TULP3: variants seen among roughly 807,000 people sequenced by gnomAD.
The protein encoded by TULP3 is tubby-related protein 3.
TULP3 carries 38 observed loss-of-function variants against 50.7 expected under a neutral mutation model. That is an observed-to-expected ratio of 0.75 (90% confidence interval 0.58 to 0.98). The LOEUF is 0.98. Among genes scored for constraint, TULP3 ranks in the 50% least tolerant of loss-of-function variants. The pLI is 0.00. For missense variants in TULP3, 550 were observed against 568.0 expected (o/e 0.97, Z 0.32); for synonymous variants, 183 against 196.6 (o/e 0.93, Z 0.58).
chr12:2,915,010 C>G (rs556617429), intron 2 of TULP3, among the ~76,000 whole-genome samples: 1 of 144,652 alleles, frequency 6.9e-6, no homozygotes, highest in East Asian at 2.2e-4. Context: ...TTTTTTGAGA[C>G]AAGAGTGTAG....
At chr12:2,915,061 T>G (rs1420482378) in intron 2 of TULP3, among the ~76,000 whole-genome samples, 2 of 152,148 alleles carry the variant, frequency 1.3e-5, no homozygotes, top group Non-Finnish European at 2.9e-5. Flanking sequence ...TGATCTTGGC[T>G]CACTGCAACC....
chr12:2,894,534 C>G (rs1014735615), intron 1 of TULP3, among the ~76,000 whole-genome samples: 6 of 61,630 alleles, frequency 9.7e-5, no homozygotes, highest in Non-Finnish European at 2.0e-4. Context: ...GACTCCGTCT[C>G]AAAAACACAC....
At position 2,940,690 on chromosome 12, in the gene TULP3, G is replaced by A. The variant is rs181954310; in HGVS notation, c.*1246G>A. On this transcript the variant is annotated 3_prime_UTR_variant, in exon 11 of 11. Coordinates refer to ENST00000448120, the MANE Select transcript of TULP3 (RefSeq NM_003324.5). ...TTCTGTGGACTGACCTCTCACCTCC[G>A]CCTGTTGTTCCTGCACCACATCAGA... is the stretch of plus-strand genomic sequence containing the variant. 1.2e-5 allele frequency: 18 copies of A among 1,551,472 alleles called. No individual in the cohort carries two copies. The East Asian group carries it at 1.7e-4, about 15-fold the overall frequency.
intron 1 of TULP3, among the ~76,000 whole-genome samples, chr12:2,891,384 G>T (rs1434017091): frequency 3.3e-5 from 5 of 152,190 alleles, no homozygotes; most frequent in African/African-American, 1.2e-4. Context: ...GGGAGGCGGT[G>T]CGGGTGATGT....
chr12:2,933,642 A>T (rs2098199504), intron 7 of TULP3, 112 bp downstream of exon 7: 1 of 576,510 alleles, frequency 1.7e-6, no homozygotes, highest in Admixed American at 3.8e-5. Context: ...TGTAATCTTA[A>T]AAAAAAAGAA....
intron 1 of TULP3, among the ~76,000 whole-genome samples, chr12:2,907,867 G>A (rs913387632): frequency 2.6e-5 from 4 of 152,144 alleles, no homozygotes; most frequent in Non-Finnish European, 5.9e-5. Flanking sequence ...GCCAGAGGCT[G>A]TTGTATCTGA....
Position 2,927,774 on chromosome 12 carries a change from G to A in TULP3, c.395-2474G>A, listed in dbSNP as rs2098195542. Among the ~76,000 whole-genome samples, 3 of 152,196 alleles carry A rather than the reference G, an allele frequency of 2.0e-5. No homozygotes were observed. In the South Asian group the frequency reaches 6.2e-4, roughly 32 times the overall value. Reference sequence around the variant, plus strand: ...TTTTTCTTTCCGAGATGTTGAATGTGCACAAAAAGTGGTTCAGAGAAAAAA... The same window carrying A: ...TTTTTCTTTCCGAGATGTTGAATGTACACAAAAAGTGGTTCAGAGAAAAAA... On this transcript the variant is annotated intron_variant, in intron 4 of 10. Transcript: ENST00000448120.
At chr12:2,906,460 C>G (rs2098182307) in intron 1 of TULP3, among the ~76,000 whole-genome samples, 1 of 151,466 alleles carries the variant, frequency 6.6e-6, no homozygotes. Flanking sequence ...TCCTGAGTAG[C>G]TGGGATTACA....
chr12:2,933,158 G>A lies in TULP3; in HGVS notation c.697-260G>A, dbSNP rs533321128. 3.3e-5 allele frequency among the ~76,000 whole-genome samples: 5 copies of A among 152,150 alleles called. No homozygotes were observed. In the East Asian group the frequency reaches 9.7e-4, roughly 30 times the overall value. On this transcript the variant is annotated intron_variant, in intron 6 of 10. Coordinates refer to ENST00000448120, the MANE Select transcript of TULP3 (RefSeq NM_003324.5). Reference sequence around the variant, plus strand: ...AGGGTTTACGGTGTTAGCCAGGATGGTCTCGATCTCCTGACCTTGTGATCT... The same window carrying A: ...AGGGTTTACGGTGTTAGCCAGGATGATCTCGATCTCCTGACCTTGTGATCT...
chr12:2,940,715 A>G lies in TULP3; in HGVS notation c.*1271A>G, dbSNP rs776318752. On this transcript the variant is annotated 3_prime_UTR_variant, in exon 11 of 11. Transcript: ENST00000448120. ...GCCTGTTGTTCCTGCACCACATCAG[A>G]TAAGCATGTGAAGGAGGGCCAACTG... 3 of 1,550,506 alleles carry G rather than the reference A, an allele frequency of 1.9e-6. No individual in the cohort carries two copies. The South Asian group carries it at 3.6e-5, about 18-fold the overall frequency.
chr12:2,940,193 A>G lies in TULP3; in HGVS notation c.*749A>G. On this transcript the variant is annotated 3_prime_UTR_variant, in exon 11 of 11. Transcript: ENST00000448120. The stretch of plus-strand genomic sequence containing the variant: ...TGATAATTGCCTTCATTTTCAACCC[A>G]GGAGTGCCTCTCACAGCTATATGAC... The G allele has an allele frequency of 1.5e-6, 2 of 1,320,418 alleles. No individual in the cohort carries two copies. The highest frequency in any genetic ancestry group is 2.0e-6 in the Non-Finnish European group (2 of 1,009,998). The allele number at this position is 1,320,418 out of a possible 1,614,324, so 81.8% of individuals were successfully genotyped here.
chr12:2,919,999 GT>G (rs1023457820), intron 2 of TULP3, among the ~76,000 whole-genome samples: 35 of 149,774 alleles, frequency 2.3e-4, no homozygotes, highest in Admixed American at 1.5e-3. Flanking sequence ...GAATAATAAA[GT>G]TTTTTTCTTC....
At chr12:2,909,379 G>A in intron 1 of TULP3, 150 bp from the exon 2 acceptor site, 2 of 650,580 alleles carry the variant, frequency 3.1e-6, no homozygotes, top group South Asian at 2.0e-5. Context: ...TCCTCCTGTA[G>A]CCAGTGTGGG....
intron 4 of TULP3, among the ~76,000 whole-genome samples, chr12:2,923,463 A>G (rs2098192917): frequency 6.6e-6 from 1 of 152,078 alleles, no homozygotes; most frequent in Admixed American, 6.6e-5. Flanking sequence ...TGAGACCAGC[A>G]CATGGTGAAA....
At chr12:2,910,603 G>A (rs901493485) in intron 2 of TULP3, among the ~76,000 whole-genome samples, 4 of 152,148 alleles carry the variant, frequency 2.6e-5, no homozygotes, top group African/African-American at 2.4e-5. Context: ...AGCAAATTCT[G>A]TAGCTAGGAT....
At position 2,893,327 on chromosome 12, in the gene TULP3, G is replaced by GGTTTTTT. The variant is rs1555110454; in HGVS notation, c.41+2339_41+2340insGTTTTTT. ...GGGCTTCAGGTTGTGTGTTTAATGT[G>GGTTTTTT]TTTTTTTTTTTTTTTTTCCAAACGG... On this transcript the variant is annotated intron_variant, in intron 1 of 10. Transcript: ENST00000448120. 5.5e-5 allele frequency among the ~76,000 whole-genome samples: 7 copies of GGTTTTTT among 128,162 alleles called. 2 individuals carry two copies. The highest frequency in any genetic ancestry group is 8.2e-5 in the Admixed American group (1 of 12,228). The allele number at this position is 128,162 out of a possible 152,430, so 84.1% of individuals were successfully genotyped here. A position where few individuals can be genotyped will look rare whatever the true frequency, so the allele number is the denominator to read the frequency against.
At chr12:2,898,318 G>T (rs1603503834) in intron 1 of TULP3, among the ~76,000 whole-genome samples, 1 of 152,124 alleles carries the variant, frequency 6.6e-6, no homozygotes, top group East Asian at 1.9e-4. Context: ...GCCAAGCCAG[G>T]GGTCAGCAGA....
chr12:2,910,360 C>T (rs1355835815), intron 2 of TULP3, among the ~76,000 whole-genome samples: 3 of 152,200 alleles, frequency 2.0e-5, no homozygotes. Flanking sequence ...CTCCATTACA[C>T]TAAGCTCTGT....
intron 2 of TULP3, among the ~76,000 whole-genome samples, chr12:2,915,833 C>T (rs543042693): frequency 1.5e-4 from 22 of 150,118 alleles, no homozygotes; most frequent in East Asian, 4.1e-4. Flanking sequence ...CGTGAGCCAC[C>T]GTGCCCGGCC....
Sources: gnomAD v4.1 joint callset for allele counts (sites outside exome capture counted in the v4.1 genomes callset) on GRCh38, gnomAD v4.1.1 for gene constraint, MANE v1.5 for transcripts, NCBI Gene and HGNC (gene_info 2026-07-23, HGNC 2026-07-21) for gene names.